NAV3: variants seen among roughly 807,000 people sequenced by gnomAD.
The protein encoded by NAV3 is neuron navigator 3, also known as pore membrane and/or filament interacting like protein 1.
A neutral mutation model predicts 244.7 loss-of-function variants in NAV3; 87 were observed. The ratio of observed to expected loss-of-function variants is 0.36; its 90% CI spans 0.30 to 0.42. The LOEUF is 0.42. Ranked by LOEUF, NAV3 falls within the 20% of genes least tolerant of loss-of-function variation. The pLI, the probability that NAV3 is intolerant of heterozygous loss-of-function variation, is 1.00. For synonymous variants in NAV3, 1,126 were observed against 1,042.2 expected, an observed-to-expected ratio of 1.08 and a Z score of -1.55; for missense variants, 2,663 against 2,893.3, an observed-to-expected ratio of 0.92 and a Z score of 1.83.
In NAV3 at chr12:77,708,667, C is replaced by T. The variant is rs567748114; in HGVS notation, c.72+136401C>T. ...ACCTTGGGCAGTATGGCCATTTTCACGATACTGATTCTTCCTATCCATGAG... is the reference window on the plus strand; with the variant it reads ...ACCTTGGGCAGTATGGCCATTTTCATGATACTGATTCTTCCTATCCATGAG... On this transcript the variant is annotated intron_variant, in intron 2 of 8. Transcript: ENST00000550042. Among the ~76,000 whole-genome samples the T allele has an allele frequency of 1.1e-4, 17 of 152,206 alleles. No individual in the cohort carries two copies. In the East Asian group the frequency reaches 1.4e-3, roughly 12 times the overall value.
chr12:78,020,504 T>C (rs1876969970), intron 8 of NAV3, among the ~76,000 whole-genome samples: 1 of 152,138 alleles, frequency 6.6e-6, no homozygotes, highest in Non-Finnish European at 1.5e-5. Flanking sequence ...AGGCACAACT[T>C]TGTATAGGAA....
intron 2 of NAV3, among the ~76,000 whole-genome samples, chr12:77,590,734 T>C (rs1216313737): frequency 3.3e-5 from 5 of 152,236 alleles, no homozygotes; most frequent in Non-Finnish European, 7.3e-5. Flanking sequence ...CAAGAGTTTA[T>C]ATATAAAAGC....
At chr12:77,922,004 G>T (rs1312528175) in intron 1 of NAV3, among the ~76,000 whole-genome samples, 7 of 152,128 alleles carry the variant, frequency 4.6e-5, no homozygotes, top group Non-Finnish European at 1.0e-4. Flanking sequence ...GCTGTATAGG[G>T]TAACCTTTAT....
chr12:77,947,328 A>T (rs1422415132), intron 3 of NAV3: 1 of 151,936 alleles, frequency 6.6e-6, no homozygotes, highest in African/African-American at 2.4e-5. Flanking sequence ...AGTAAAAAAA[A>T]AGCCCATGCT....
Position 78,140,165 on chromosome 12 carries a change from A to AGG in NAV3, c.4631-116_4631-115insGG. 4 of 805,134 alleles carry AGG rather than the reference A, an allele frequency of 5.0e-6. No individual in the cohort carries two copies. In the South Asian group the frequency reaches 6.3e-5, roughly 13 times the overall value. The allele number at this position is 805,134 out of a possible 1,614,324, so 49.9% of individuals were successfully genotyped here. ...AGCAGGCTGGTTCTCAGAATCTTAT[A>AGG]GTTAGTTGTTATTACTTAATTTCCC... On this transcript the variant is annotated intron_variant, in intron 19 of 39. Transcript: ENST00000397909.
In NAV3 at chr12:77,901,435, T is replaced by C. The variant is rs891861914; in HGVS notation, c.244-38884T>C. Reference sequence around the variant, plus strand: ...AGGTAGGCACAGGTTTCAGGCCAGGTGTGGTGGCTCACGCCTGGAATCCCA... The same window carrying C: ...AGGTAGGCACAGGTTTCAGGCCAGGCGTGGTGGCTCACGCCTGGAATCCCA... On this transcript the variant is annotated intron_variant, in intron 1 of 39. Coordinates refer to ENST00000397909, the MANE Select transcript of NAV3 (RefSeq NM_001024383.2). Among the ~76,000 whole-genome samples the C allele has an allele frequency of 7.0e-4, 107 of 152,138 alleles. 9 individuals are homozygous for C. Among genetic ancestry groups the C allele is most frequent in the Non-Finnish European group, 4.4e-5 (3 of 68,020 alleles).
At chr12:77,917,109 C>A (rs1887223187) in intron 1 of NAV3, among the ~76,000 whole-genome samples, 1 of 151,906 alleles carries the variant, frequency 6.6e-6, no homozygotes, top group African/African-American at 2.4e-5. Flanking sequence ...GTTTATGTAA[C>A]TTGTATTTCA....
At chr12:77,956,686 C>T (rs959726083) in intron 3 of NAV3, among the ~76,000 whole-genome samples, 2 of 151,968 alleles carry the variant, frequency 1.3e-5, no homozygotes, top group African/African-American at 4.8e-5. Flanking sequence ...ATGCCCTGTT[C>T]CTCCTTCTGA....
intron 2 of NAV3, among the ~76,000 whole-genome samples, chr12:77,761,671 A>C (rs1775718708): frequency 6.6e-6 from 1 of 152,238 alleles, no homozygotes; most frequent in Non-Finnish European, 1.5e-5. Context: ...GAAACATATG[A>C]AAAAAAGCTC....
intron 2 of NAV3, among the ~76,000 whole-genome samples, chr12:77,647,114 G>T (rs1284785255): frequency 6.6e-6 from 1 of 151,470 alleles, no homozygotes; most frequent in African/African-American, 2.4e-5. Flanking sequence ...GAGATTTGTC[G>T]ATGTGTACAA....
chr12:77,960,089 G>C (rs1027548494), intron 3 of NAV3, among the ~76,000 whole-genome samples: 1 of 151,734 alleles, frequency 6.6e-6, no homozygotes, highest in Non-Finnish European at 1.5e-5. Context: ...AGGTCCTGGG[G>C]GTAGGAGGGT....
At chr12:78,183,984 C>T (rs1958605250) in intron 30 of NAV3, among the ~76,000 whole-genome samples, 1 of 151,812 alleles carries the variant, frequency 6.6e-6, no homozygotes, top group Non-Finnish European at 1.5e-5. Flanking sequence ...TTGTTCTTCA[C>T]TTATCTAGCA....
rs1224283122 is a variant in NAV3, at chr12:78,210,666, T to C, written c.*149T>C. ...TCTCCAAGGAGGCAGCAGAACTAAGTCTGAACCGCCAAGATGCTAAATTGC... is the reference window on the plus strand; with the variant it reads ...TCTCCAAGGAGGCAGCAGAACTAAGCCTGAACCGCCAAGATGCTAAATTGC... On this transcript the variant is annotated 3_prime_UTR_variant, in exon 40 of 40. Transcript: ENST00000397909. The C allele has an allele frequency of 3.5e-5, 30 of 845,114 alleles. No homozygotes were observed. Among genetic ancestry groups the C allele is most frequent in the Non-Finnish European group, 5.4e-5 (30 of 551,010 alleles). 52.4% of individuals were successfully genotyped at this position (845,114 alleles called of 1,614,324 possible). A position where few individuals can be genotyped will look rare whatever the true frequency, so the allele number is the denominator to read the frequency against.
intron 5 of NAV3, among the ~76,000 whole-genome samples, chr12:77,972,672 G>A (rs922033729): frequency 5.9e-5 from 9 of 151,978 alleles, no homozygotes; most frequent in Non-Finnish European, 1.0e-4. Flanking sequence ...AAAAAAAATC[G>A]TATATAAATG....
At chr12:77,664,433 G>A (rs1873621786) in intron 2 of NAV3, among the ~76,000 whole-genome samples, 1 of 152,100 alleles carries the variant, frequency 6.6e-6, no homozygotes, top group Non-Finnish European at 1.5e-5. Context: ...AATGCTTAAG[G>A]ATATTTAAAT....
At chr12:77,845,841 C>T (rs61937367) in intron 1 of NAV3, among the ~76,000 whole-genome samples, 8,312 of 151,874 alleles carry the variant, frequency 0.055, 335 homozygotes, top group South Asian at 0.19. Flanking sequence ...TTAGTAGAGA[C>T]GGGGTGTCTC....
At chr12:78,118,342 T>G (rs747706622) in intron 14 of NAV3, 45 bp downstream of exon 14, 2 of 1,543,896 alleles carry the variant, frequency 1.3e-6, no homozygotes, top group Non-Finnish European at 1.7e-6. Context: ...TGCTTTACTT[T>G]ATTGTTTCCA....
At chr12:78,025,551 G>T (rs530108800) in intron 9 of NAV3, among the ~76,000 whole-genome samples, 2 of 122,142 alleles carry the variant, frequency 1.6e-5, no homozygotes, top group Admixed American at 1.1e-4. Flanking sequence ...AGTCAAGATC[G>T]CACCACTGCA....
At chr12:77,809,045 T>C (rs1299556686) in intron 2 of NAV3, among the ~76,000 whole-genome samples, 1 of 152,098 alleles carries the variant, frequency 6.6e-6, no homozygotes, top group Non-Finnish European at 1.5e-5. Flanking sequence ...GCATCGCAGG[T>C]CGACTTCAGA....
Sources: gnomAD v4.1 joint callset for allele counts (sites outside exome capture counted in the v4.1 genomes callset) on GRCh38, gnomAD v4.1.1 for gene constraint, MANE v1.5 for transcripts, NCBI Gene and HGNC (gene_info 2026-07-23, HGNC 2026-07-21) for gene names.